Variants in PPFIA2 observed in about 807,000 individuals in gnomAD.
PPFIA2 encodes liprin-alpha-2.
A neutral mutation model predicts 175.5 loss-of-function variants in PPFIA2; 46 were observed. That is an observed-to-expected ratio of 0.26 (90% CI 0.21 to 0.34). PPFIA2 has a LOEUF of 0.34. Ranked by LOEUF, PPFIA2 falls within the 10% of genes least tolerant of loss-of-function variation. The pLI is 1.00. For missense variants in PPFIA2, 1,179 were observed against 1,506.1 expected (o/e 0.78, Z 3.60); for synonymous variants, 568 against 511.4 (o/e 1.11, Z -1.49).
intron 4 of PPFIA2, among the ~76,000 whole-genome samples, chr12:81,528,189 A>G (rs2063972944): frequency 6.6e-6 from 1 of 152,100 alleles, no homozygotes; most frequent in South Asian, 2.1e-4. Flanking sequence ...TCAAGTGAGC[A>G]AAAATTAGGG....
At chr12:81,595,426 T>C (rs909148617) in intron 4 of PPFIA2, among the ~76,000 whole-genome samples, 4 of 152,106 alleles carry the variant, frequency 2.6e-5, no homozygotes, top group African/African-American at 9.7e-5. Context: ...AGAAACTACA[T>C]TCTAGAACTT....
chr12:81,436,319 A>G (rs1168760120), intron 7 of PPFIA2, among the ~76,000 whole-genome samples: 1 of 141,482 alleles, frequency 7.1e-6, no homozygotes, highest in African/African-American at 2.6e-5. Context: ...AAAAAAAAAA[A>G]AAAAAAAAAA....
chr12:81,259,323 G>T lies in PPFIA2; in HGVS notation c.*371C>A. 2.1e-6 allele frequency: 1 copy of T among 470,912 alleles called. No individual in the cohort carries two copies. Among genetic ancestry groups the T allele is most frequent in the Non-Finnish European group, 3.9e-6 (1 of 254,664 alleles). 29.2% of individuals were successfully genotyped at this position (470,912 alleles called of 1,614,324 possible). ...ATCATATTTATATCCATTTACATAA[G>T]ACTTACACATTTAAAAAGAAATGCA... On this transcript the variant is annotated 3_prime_UTR_variant, in exon 33 of 33. Transcript: ENST00000549396.
At chr12:81,532,183 A>G (rs1402459437) in intron 4 of PPFIA2, among the ~76,000 whole-genome samples, 2 of 151,824 alleles carry the variant, frequency 1.3e-5, no homozygotes, top group African/African-American at 4.8e-5. Flanking sequence ...CAGTCAAATT[A>G]GAGATTTAAA....
In PPFIA2 at chr12:81,710,119, T is replaced by A. The variant is rs556615118; in HGVS notation, c.250-33275A>T. On this transcript the variant is annotated intron_variant, in intron 3 of 32. Transcript: ENST00000549396. ...CTATTCACATATTAAGACTTTAATA[T>A]CTATAGTAAAATTACTCTCAGTTAT... 1.2e-4 allele frequency among the ~76,000 whole-genome samples: 18 copies of A among 152,138 alleles called. 1 individual carries two copies. The South Asian group carries it at 3.7e-3, about 32-fold the overall frequency.
chr12:81,523,134 C>G (rs1208885233), intron 4 of PPFIA2, among the ~76,000 whole-genome samples: 1 of 152,160 alleles, frequency 6.6e-6, no homozygotes, highest in Non-Finnish European at 1.5e-5. Context: ...CTGCTCCTGA[C>G]AGAAAGGGAG....
At chr12:81,732,338 A>G (rs1007761681) in intron 3 of PPFIA2, among the ~76,000 whole-genome samples, 1 of 151,594 alleles carries the variant, frequency 6.6e-6, no homozygotes, top group African/African-American at 2.4e-5. Flanking sequence ...ATACCGCATA[A>G]AAGTTTTTAA....
intron 4 of PPFIA2, among the ~76,000 whole-genome samples, chr12:81,459,450 T>G (rs1355224632): frequency 2.0e-5 from 3 of 152,132 alleles, no homozygotes; most frequent in Admixed American, 1.3e-4. Context: ...ACATAACATC[T>G]GTATATTTAT....
rs147196814 is a variant in PPFIA2 at position 81,304,556 on chromosome 12, G to A, written c.2643-5174C>T. 2.6e-5 allele frequency among the ~76,000 whole-genome samples: 4 copies of A among 152,310 alleles called. No individual in the cohort carries two copies. The East Asian group carries it at 7.7e-4, about 29-fold the overall frequency. On this transcript the variant is annotated intron_variant, in intron 22 of 32. Transcript: ENST00000549396. ...TGGGAACATAGATGTCTATAACGAG[G>A]CAACATTTGAGTAGAAACATGTACG...
chr12:81,729,186 T>C (rs1007360329), intron 3 of PPFIA2, among the ~76,000 whole-genome samples: 1 of 151,472 alleles, frequency 6.6e-6, no homozygotes, highest in African/African-American at 2.4e-5. Flanking sequence ...CCAAATAGTG[T>C]TATATCTACA....
Position 81,484,778 on chromosome 12 carries a change from A to G in PPFIA2, c.304-26912T>C, listed in dbSNP as rs1278707806. 2.0e-5 allele frequency among the ~76,000 whole-genome samples: 3 copies of G among 151,884 alleles called. No homozygotes were observed. In the East Asian group the frequency reaches 5.8e-4, roughly 29 times the overall value. Reference sequence around the variant, plus strand: ...TCATTAAAATAAAAATAGCATTGCTAATTTTAAATTCCCATATTTCTATTA... The same window carrying G: ...TCATTAAAATAAAAATAGCATTGCTGATTTTAAATTCCCATATTTCTATTA... On this transcript the variant is annotated intron_variant, in intron 4 of 32. Coordinates refer to ENST00000549396, the MANE Select transcript of PPFIA2 (RefSeq NM_003625.5).
intron 28 of PPFIA2, among the ~76,000 whole-genome samples, chr12:81,269,230 A>G (rs1810002137): frequency 1.3e-5 from 2 of 152,158 alleles, no homozygotes; most frequent in South Asian, 2.1e-4. Context: ...AAAATTGTCC[A>G]TAGAAAAGAA....
intron 4 of PPFIA2, among the ~76,000 whole-genome samples, chr12:81,610,903 A>T (rs1259386252): frequency 6.6e-6 from 1 of 152,116 alleles, no homozygotes. Flanking sequence ...TTGTTTCTGG[A>T]TGCTTTCAGA....
intron 30 of PPFIA2, among the ~76,000 whole-genome samples, chr12:81,266,206 A>G (rs2037206140): frequency 6.6e-6 from 1 of 152,204 alleles, no homozygotes; most frequent in Admixed American, 6.5e-5. Context: ...TGTACTTTGC[A>G]ACACAGAATT....
chr12:81,275,877 A>C (rs565884579), intron 28 of PPFIA2, among the ~76,000 whole-genome samples: 1 of 150,010 alleles, frequency 6.7e-6, no homozygotes, highest in South Asian at 2.1e-4. Context: ...CTCTGCCTCC[A>C]GGGTTCACGC....
At chr12:81,567,073 G>C (rs1327374298) in intron 4 of PPFIA2, among the ~76,000 whole-genome samples, 2 of 152,152 alleles carry the variant, frequency 1.3e-5, no homozygotes, top group African/African-American at 2.4e-5. Context: ...TTGAGACTGA[G>C]TGGCGCTCTG....
intron 3 of PPFIA2, among the ~76,000 whole-genome samples, chr12:81,684,913 C>A (rs1390401217): frequency 2.0e-5 from 3 of 152,022 alleles, no homozygotes; most frequent in Non-Finnish European, 2.9e-5. Flanking sequence ...ATAAACAATA[C>A]ATTAAATTCA....
rs1319352816 is a variant in PPFIA2, at chr12:81,422,068, GTGTGTGTGTATATATATGTGTATATATA to G, written c.646-16193_646-16166del. Among the ~76,000 whole-genome samples the G allele has an allele frequency of 6.1e-4, 90 of 147,426 alleles. 1 individual carries two copies. The highest frequency in any genetic ancestry group is 2.1e-3 in the African/African-American group (84 of 40,232). On this transcript the variant is annotated intron_variant, in intron 7 of 32. Coordinates refer to ENST00000549396, the MANE Select transcript of PPFIA2 (RefSeq NM_003625.5). ...TATATATATACATATATATATACGTGTGTGTGTGTATATATATGTGTATATATATGTGTGTATATATATGTGTATATAT... is the reference window on the plus strand; with the variant it reads ...TATATATATACATATATATATACGTGTGTGTGTATATATATGTGTATATAT...
At chr12:81,383,301 C>T (rs1220677494) in intron 9 of PPFIA2, among the ~76,000 whole-genome samples, 6 of 152,028 alleles carry the variant, frequency 3.9e-5, no homozygotes, top group Admixed American at 3.9e-4. Context: ...GGCAAAAAGT[C>T]AGAAAACGCA....
Sources: allele counts gnomAD v4.1 joint callset (sites outside exome capture counted in the v4.1 genomes callset), GRCh38; gene constraint gnomAD v4.1.1; transcripts MANE v1.5; gene names NCBI Gene and HGNC (gene_info 2026-07-23, HGNC 2026-07-21).